RIMS1: variants seen among roughly 807,000 people sequenced by gnomAD.
RIMS1 encodes the protein regulating synaptic membrane exocytosis 1, also known as regulating synaptic membrane exocytosis protein 1.
RIMS1 carries 83 observed loss-of-function variants against 214.1 expected under a neutral mutation model. That is an observed-to-expected ratio of 0.39 (90% CI 0.32 to 0.47). The LOEUF (loss-of-function observed/expected upper bound fraction) is 0.47. Among genes scored for constraint, RIMS1 ranks in the 20% least tolerant of loss-of-function variants. The pLI, the probability that RIMS1 is intolerant of heterozygous loss-of-function variation, is 0.99. For missense variants in RIMS1, 2,050 were observed against 2,161.8 expected (o/e 0.95, Z 1.03); for synonymous variants, 793 against 786.8 (o/e 1.01, Z -0.13).
intron 29 of RIMS1, chr6:72,366,767 A>G: frequency 1.0e-6 from 1 of 985,846 alleles, no homozygotes; most frequent in Non-Finnish European, 1.2e-6. Flanking sequence ...CCAGCCAGCC[A>G]CCGCACAAGT....
intron 29 of RIMS1, among the ~76,000 whole-genome samples, chr6:72,338,843 C>T (rs922025894): frequency 4.5e-5 from 6 of 133,876 alleles, no homozygotes; most frequent in Non-Finnish European, 9.5e-5. Context: ...TTTTAACCAA[C>T]TTGTGAAGAG....
chr6:71,983,001 G>A (rs777904352), intron 2 of RIMS1, among the ~76,000 whole-genome samples: 4 of 151,718 alleles, frequency 2.6e-5, no homozygotes, highest in Admixed American at 1.3e-4. Context: ...TTTCTACCCC[G>A]AGCTTTTGCC....
intron 16 of RIMS1, among the ~76,000 whole-genome samples, chr6:72,256,485 T>A (rs561031731): frequency 6.6e-6 from 1 of 152,112 alleles, no homozygotes. Context: ...TACAGCAAGA[T>A]GCCAAAATTC....
At chr6:72,208,904 T>A (rs2053358990) in intron 6 of RIMS1, among the ~76,000 whole-genome samples, 1 of 152,134 alleles carries the variant, frequency 6.6e-6, no homozygotes. Context: ...TCCCCTTTAT[T>A]CCATATCCAG....
chr6:72,393,998 C>T (rs546659437), intron 31 of RIMS1, among the ~76,000 whole-genome samples: 9 of 146,808 alleles, frequency 6.1e-5, no homozygotes, highest in African/African-American at 2.3e-4. Context: ...ACCAAACGAA[C>T]TAAACGACTT....
intron 1 of RIMS1, among the ~76,000 whole-genome samples, chr6:71,901,365 G>A (rs967969550): frequency 3.3e-5 from 5 of 152,014 alleles, no homozygotes; most frequent in African/African-American, 9.7e-5. Context: ...TAGCTCAGAC[G>A]TCCATCAGTA....
chr6:72,224,551 G>C (rs1455296437), intron 6 of RIMS1, among the ~76,000 whole-genome samples: 3 of 152,098 alleles, frequency 2.0e-5, no homozygotes, highest in African/African-American at 7.2e-5. Context: ...CCAACATGAA[G>C]ATATTTTTAA....
At chr6:72,207,329 T>C (rs767908660) in intron 6 of RIMS1, among the ~76,000 whole-genome samples, 54 of 152,240 alleles carry the variant, frequency 3.5e-4, no homozygotes, top group Non-Finnish European at 6.9e-4. Flanking sequence ...CATACGCTCC[T>C]GTGTAGCATT....
At chr6:71,977,921 T>C (rs541974888) in intron 2 of RIMS1, among the ~76,000 whole-genome samples, 1 of 152,306 alleles carries the variant, frequency 6.6e-6, no homozygotes, top group Admixed American at 6.5e-5. Context: ...GGGGGAATCA[T>C]GATCCAGTGT....
chr6:72,036,699 G>C (rs1403192313), intron 2 of RIMS1, among the ~76,000 whole-genome samples: 1 of 152,158 alleles, frequency 6.6e-6, no homozygotes, highest in Non-Finnish European at 1.5e-5. Flanking sequence ...ATGACATATA[G>C]TAGGTAAATA....
At chr6:72,314,379 A>G (rs1436664245) in intron 28 of RIMS1, among the ~76,000 whole-genome samples, 1 of 152,174 alleles carries the variant, frequency 6.6e-6, no homozygotes, top group African/African-American at 2.4e-5. Flanking sequence ...TGTTGATGAG[A>G]GGTCCAATAA....
chr6:71,904,355 G>A (rs1774637621), intron 1 of RIMS1, among the ~76,000 whole-genome samples: 1 of 152,096 alleles, frequency 6.6e-6, no homozygotes, highest in Admixed American at 6.6e-5. Context: ...AGGAGAAAGT[G>A]GGCTATAATA....
intron 6 of RIMS1, among the ~76,000 whole-genome samples, chr6:72,217,780 G>A (rs117315626): frequency 6.6e-6 from 1 of 152,286 alleles, no homozygotes; most frequent in Middle Eastern, 3.4e-3. Context: ...TTAAGCTGTG[G>A]ACTAAAGGGG....
chr6:71,981,474 A>T (rs961780109), intron 2 of RIMS1, among the ~76,000 whole-genome samples: 1 of 152,154 alleles, frequency 6.6e-6, no homozygotes, highest in Non-Finnish European at 1.5e-5. Flanking sequence ...TAGGATTCTT[A>T]ATTCAAATAA....
chr6:72,313,577 T>C lies in RIMS1; in HGVS notation c.4035T>C (p.Ser1345=). Residue 1345 remains serine (S), a synonymous_variant, in exon 28 of 34, where the codon AGT becomes AGC. Transcript: ENST00000521978. ...VSAKSSDSDV[S]DVSAISRTSS... ...CCAAATCATCAGATAGTGATGTCAG[T>C]GATGTTTCCGCCATTTCCCGAACCA... The C allele has an allele frequency of 6.2e-7, 1 of 1,613,802 alleles. No individual in the cohort carries two copies. The highest frequency in any genetic ancestry group is 8.5e-7 in the Non-Finnish European group (1 of 1,179,804).
rs145238658 is a variant in RIMS1 at position 72,253,881 on chromosome 6, A to G, written c.2770+1049A>G. 8.1e-3 allele frequency among the ~76,000 whole-genome samples: 1,238 copies of G among 152,114 alleles called. 13 individuals are homozygous for G. Among genetic ancestry groups the G allele is most frequent in the Non-Finnish European group, 0.014 (983 of 67,962 alleles). On this transcript the variant is annotated intron_variant, in intron 16 of 33. Transcript: ENST00000521978. Reference sequence around the variant, plus strand: ...ATGGTATTTATTTATTTATTTATTTATTTGAGACGGAGTCTCACTCTGCTG... The same window carrying G: ...ATGGTATTTATTTATTTATTTATTTGTTTGAGACGGAGTCTCACTCTGCTG...
chr6:72,357,173 C>G (rs973380813), intron 29 of RIMS1, among the ~76,000 whole-genome samples: 1 of 152,138 alleles, frequency 6.6e-6, no homozygotes, highest in Non-Finnish European at 1.5e-5. Context: ...TTCCATGGAG[C>G]CTCTAGAGAA....
intron 1 of RIMS1, among the ~76,000 whole-genome samples, chr6:71,924,402 G>A (rs1019061318): frequency 1.3e-5 from 2 of 152,082 alleles, no homozygotes; most frequent in African/African-American, 2.4e-5. Context: ...ATTTAGGGAC[G>A]TAAAGAGGAC....
At chr6:72,028,847 T>C (rs1404369160) in intron 2 of RIMS1, among the ~76,000 whole-genome samples, 1 of 152,186 alleles carries the variant, frequency 6.6e-6, no homozygotes, top group Non-Finnish European at 1.5e-5. Context: ...AACATACATG[T>C]ATTGCGCACC....
Sources: allele counts gnomAD v4.1 joint callset (sites outside exome capture counted in the v4.1 genomes callset), GRCh38; gene constraint gnomAD v4.1.1; transcripts MANE v1.5; gene names NCBI Gene and HGNC (gene_info 2026-07-23, HGNC 2026-07-21).